Variants in CMSS1 observed in about 807,000 individuals in gnomAD.
The protein encoded by CMSS1 is protein CMSS1.
Under a neutral mutation model 43.5 loss-of-function variants are expected in CMSS1, and 33 were observed. That is an observed-to-expected ratio of 0.76 (90% CI 0.57 to 1.01). CMSS1 has a LOEUF of 1.01. Ranked by LOEUF, CMSS1 falls within the 50% of genes least tolerant of loss-of-function variation. The pLI is 0.00. For synonymous variants in CMSS1, 115 were observed against 117.2 expected (o/e 0.98, Z 0.12); for missense variants, 313 against 326.4 (o/e 0.96, Z 0.32).
intron 1 of CMSS1, among the ~76,000 whole-genome samples, chr3:100,014,644 A>G (rs1011555627): frequency 6.6e-6 from 1 of 152,006 alleles, no homozygotes; most frequent in Admixed American, 6.6e-5. Context: ...TCTTCTTTTG[A>G]GAAATGTCTT....
At chr3:100,027,975 G>A (rs1033299677) in intron 1 of CMSS1, among the ~76,000 whole-genome samples, 1 of 152,232 alleles carries the variant, frequency 6.6e-6, no homozygotes, top group African/African-American at 2.4e-5. Context: ...GCTGTTGTTA[G>A]GTCCAATGGG....
At chr3:99,831,265 T>C (rs1237695654) in intron 1 of CMSS1, among the ~76,000 whole-genome samples, 1 of 152,250 alleles carries the variant, frequency 6.6e-6, no homozygotes, top group Non-Finnish European at 1.5e-5. Context: ...TACTTAGATA[T>C]GTTAAAAGTA....
intron 1 of CMSS1, among the ~76,000 whole-genome samples, chr3:99,905,617 T>G (rs1706589956): frequency 6.6e-6 from 1 of 152,242 alleles, no homozygotes. Context: ...TACATATGTG[T>G]GTACTATATA....
At chr3:100,098,470 G>A (rs975560399) in intron 1 of CMSS1, among the ~76,000 whole-genome samples, 16 of 152,190 alleles carry the variant, frequency 1.1e-4, no homozygotes, top group Non-Finnish European at 1.8e-4. Context: ...GTGTATTAAA[G>A]TATTCAGCAT....
chr3:99,979,524 T>C (rs186288921), intron 1 of CMSS1, among the ~76,000 whole-genome samples: 20 of 152,324 alleles, frequency 1.3e-4, no homozygotes, highest in African/African-American at 4.6e-4. Context: ...TTATTTTTCT[T>C]TCCCAGATTT....
intron 1 of CMSS1, among the ~76,000 whole-genome samples, chr3:99,901,129 T>C (rs1706422059): frequency 6.6e-6 from 1 of 152,218 alleles, no homozygotes; most frequent in Non-Finnish European, 1.5e-5. Context: ...TTAATACAAA[T>C]CAAGTAAGCT....
At chr3:100,092,148 T>C (rs1450161722) in intron 1 of CMSS1, among the ~76,000 whole-genome samples, 1 of 152,236 alleles carries the variant, frequency 6.6e-6, no homozygotes, top group Non-Finnish European at 1.5e-5. Context: ...ATTTTTAAGT[T>C]GGATCTAAAA....
intron 1 of CMSS1, among the ~76,000 whole-genome samples, chr3:99,918,630 G>A (rs1359631871): frequency 6.6e-6 from 1 of 152,152 alleles, no homozygotes; most frequent in African/African-American, 2.4e-5. Context: ...AGTTTTAAGA[G>A]TATGGTTTTA....
intron 1 of CMSS1, among the ~76,000 whole-genome samples, chr3:100,003,128 C>T (rs1474987266): frequency 1.3e-5 from 2 of 152,214 alleles, no homozygotes; most frequent in African/African-American, 2.4e-5. Flanking sequence ...CTCACACTTA[C>T]CTCACCCTGT....
At chr3:100,004,725 C>G (rs1165828739) in intron 1 of CMSS1, among the ~76,000 whole-genome samples, 1 of 152,044 alleles carries the variant, frequency 6.6e-6, no homozygotes, top group African/African-American at 2.4e-5. Flanking sequence ...GTGATAATAC[C>G]TAAAAGGTAG....
chr3:99,914,899 T>C (rs1474055966), intron 1 of CMSS1, among the ~76,000 whole-genome samples: 1 of 152,190 alleles, frequency 6.6e-6, no homozygotes, highest in Non-Finnish European at 1.5e-5. Flanking sequence ...TGATGTAGAG[T>C]AGTTGGTGAT....
chr3:100,123,177 G>A (rs1048206849), intron 1 of CMSS1, among the ~76,000 whole-genome samples: 45 of 152,312 alleles, frequency 3.0e-4, no homozygotes, highest in African/African-American at 9.9e-4. Context: ...GGGAGTGAGC[G>A]AACCTCAGAT....
chr3:100,092,436 C>T (rs2066126901), intron 1 of CMSS1, among the ~76,000 whole-genome samples: 1 of 151,462 alleles, frequency 6.6e-6, no homozygotes, highest in South Asian at 2.1e-4. Flanking sequence ...TTTTTTTTAA[C>T]ATGGAAAAGC....
At chr3:100,073,661 TAAA>T (rs1376872217) in intron 1 of CMSS1, among the ~76,000 whole-genome samples, 2 of 152,204 alleles carry the variant, frequency 1.3e-5, no homozygotes, top group Non-Finnish European at 2.9e-5. Flanking sequence ...ATGCCAGTAA[TAAA>T]CCTTGAGGAA....
chr3:99,955,202 A>G (rs1331536716), intron 1 of CMSS1, among the ~76,000 whole-genome samples: 3 of 152,226 alleles, frequency 2.0e-5, no homozygotes, highest in African/African-American at 7.2e-5. Context: ...CCTGCAGGTC[A>G]GAACTCAAGT....
At chr3:100,025,431 T>C (rs1315619475) in intron 1 of CMSS1, 1 of 152,180 alleles carries the variant, frequency 6.6e-6, no homozygotes, top group Non-Finnish European at 1.5e-5. Flanking sequence ...CTTCCAGTGT[T>C]GTCTTCCTTC....
intron 1 of CMSS1, chr3:99,850,709 G>A (rs1326093378): frequency 6.2e-7 from 1 of 1,614,138 alleles, no homozygotes; most frequent in Admixed American, 1.7e-5. Context: ...TTTTGTTGAA[G>A]CTGGCGATTT....
At chr3:99,933,588 A>G (rs1707560820) in intron 1 of CMSS1, among the ~76,000 whole-genome samples, 1 of 152,162 alleles carries the variant, frequency 6.6e-6, no homozygotes, top group South Asian at 2.1e-4. Flanking sequence ...CCCCTATTGT[A>G]TTTTCTTGAA....
chr3:100,034,044 A>G (rs2065065184), intron 1 of CMSS1, among the ~76,000 whole-genome samples: 1 of 152,230 alleles, frequency 6.6e-6, no homozygotes, highest in Non-Finnish European at 1.5e-5. Flanking sequence ...TCAACCCGCC[A>G]TGCGTTATTT....
Sources: gnomAD v4.1 joint callset for allele counts (sites outside exome capture counted in the v4.1 genomes callset) on GRCh38, gnomAD v4.1.1 for gene constraint, MANE v1.5 for transcripts, NCBI Gene and HGNC (gene_info 2026-07-23, HGNC 2026-07-21) for gene names.